RNLS: variants seen among roughly 807,000 people sequenced by gnomAD.
The protein encoded by RNLS is renalase.
In RNLS, 39 loss-of-function variants were observed where a neutral mutation model predicts 39.8. That is an observed-to-expected ratio of 0.98 (90% confidence interval 0.76 to 1.28). The LOEUF (loss-of-function observed/expected upper bound fraction) is 1.28, where lower values mean the gene tolerates loss of function less well. Among genes scored for constraint, RNLS ranks in the 50% most tolerant of loss-of-function variants. RNLS has a pLI of 0.00. For missense variants in RNLS, 410 were observed against 413.3 expected (o/e 0.99, Z 0.07); for synonymous variants, 147 against 150.7 (o/e 0.98, Z 0.18).
the RNLS span, among the ~76,000 whole-genome samples, chr10:88,235,493 C>T: frequency 6.6e-6 from 1 of 152,024 alleles, no homozygotes; most frequent in Admixed American, 6.6e-5. Flanking sequence ...GTGTGATTTA[C>T]ATGTAATATA....
rs927626482 is a variant in RNLS, at chr10:88,507,603, T to C, written c.526+65300A>G. On this transcript the variant is annotated intron_variant, in intron 4 of 6. Coordinates refer to ENST00000331772, the MANE Select transcript of RNLS (RefSeq NM_001031709.3). The stretch of plus-strand genomic sequence containing the variant: ...AGATGTCCCATGTGAGCTGCTAACA[T>C]CTGCACTGATGAAAGAATTGTAAAG... Among the ~76,000 whole-genome samples the C allele has an allele frequency of 2.0e-5, 3 of 152,112 alleles. No homozygotes were observed. The South Asian group carries it at 6.2e-4, about 31-fold the overall frequency.
chr10:88,371,060 T>C (rs1419134441), intron 4 of RNLS, among the ~76,000 whole-genome samples: 8 of 151,932 alleles, frequency 5.3e-5, no homozygotes, highest in Admixed American at 5.3e-4. Flanking sequence ...GTCAGAAAAA[T>C]TTGGGTTTGA....
chr10:88,575,453 G>C (rs1027478758), intron 3 of RNLS, among the ~76,000 whole-genome samples: 2 of 151,546 alleles, frequency 1.3e-5, no homozygotes, highest in Admixed American at 1.3e-4. Context: ...GTCATGATGC[G>C]CGCTAAAGTA....
At chr10:88,450,510 A>G (rs1466967456) in intron 4 of RNLS, among the ~76,000 whole-genome samples, 1 of 152,166 alleles carries the variant, frequency 6.6e-6, no homozygotes, top group East Asian at 1.9e-4. Flanking sequence ...GTCCATAAGT[A>G]CTGAGAAGGC....
At chr10:88,558,385 T>C (rs1033404785) in intron 4 of RNLS, among the ~76,000 whole-genome samples, 26 of 152,196 alleles carry the variant, frequency 1.7e-4, no homozygotes, top group Middle Eastern at 3.2e-3. Context: ...GGAAAGTGCT[T>C]AACATAAGTA....
intron 5 of RNLS, among the ~76,000 whole-genome samples, chr10:88,343,268 G>A (rs183451226): frequency 7.2e-5 from 11 of 152,222 alleles, no homozygotes; most frequent in East Asian, 1.9e-4. Context: ...TGACAGTGAC[G>A]ATGAAGAGAA....
intron 4 of RNLS, among the ~76,000 whole-genome samples, chr10:88,461,007 G>T (rs1252747044): frequency 6.6e-6 from 1 of 152,100 alleles, no homozygotes; most frequent in Non-Finnish European, 1.5e-5. Context: ...TGTGTCTGTG[G>T]AAAGGTGGAG....
At chr10:88,500,515 G>T (rs186900213) in intron 4 of RNLS, among the ~76,000 whole-genome samples, 11 of 152,178 alleles carry the variant, frequency 7.2e-5, no homozygotes, top group African/African-American at 2.6e-4. Context: ...TTTTTTAGTT[G>T]CATTTCAACT....
intron 6 of RNLS, among the ~76,000 whole-genome samples, chr10:88,301,475 C>A (rs181230489): frequency 7.4e-4 from 112 of 152,280 alleles, no homozygotes; most frequent in Non-Finnish European, 1.3e-3. Context: ...TTTTGGTTAT[C>A]CGAAGGTCAC....
Position 88,284,153 on chromosome 10 carries a change from T to A in RNLS, c.*1201A>T. On this transcript the variant is annotated 3_prime_UTR_variant, in exon 7 of 7. Transcript: ENST00000331772. ...ATTGCTAAGAGGAAACATATAATAA[T>A]ATGCTATAGGGTCATAAAACCCACT... is the stretch of plus-strand genomic sequence containing the variant. The A allele has an allele frequency of 1.0e-6, 1 of 985,306 alleles. No homozygotes were observed. 61.0% of individuals were successfully genotyped at this position (985,306 alleles called of 1,614,324 possible).
the RNLS span, among the ~76,000 whole-genome samples, chr10:88,243,944 T>C: frequency 6.6e-6 from 1 of 152,214 alleles, no homozygotes. Flanking sequence ...AGCAGCTGCG[T>C]TTGGCCTGGC....
intron 4 of RNLS, among the ~76,000 whole-genome samples, chr10:88,372,091 A>AT (rs934802648): frequency 3.9e-5 from 6 of 152,112 alleles, no homozygotes; most frequent in African/African-American, 7.2e-5. Context: ...TAAACAAGGC[A>AT]TTTTTTTAGA....
chr10:88,398,305 CT>C (rs1852692605), intron 4 of RNLS, among the ~76,000 whole-genome samples: 1 of 152,024 alleles, frequency 6.6e-6, no homozygotes, highest in Admixed American at 6.6e-5. Flanking sequence ...GGATTGGCTA[CT>C]TTGAATAATT....
Position 88,581,203 on chromosome 10 carries a change from A to G in RNLS, c.367+364T>C, listed in dbSNP as rs1205816866. Among the ~76,000 whole-genome samples the G allele has an allele frequency of 2.0e-5, 3 of 151,710 alleles. No homozygotes were observed. In the East Asian group the frequency reaches 5.8e-4, roughly 29 times the overall value. On this transcript the variant is annotated intron_variant, in intron 3 of 6. Coordinates refer to ENST00000331772, the MANE Select transcript of RNLS (RefSeq NM_001031709.3). Reference sequence around the variant, plus strand: ...AAAATAGATCCAAGATATGAGTCAAACAAGGTATAGAATCATTTATGCAAA... The same window carrying G: ...AAAATAGATCCAAGATATGAGTCAAGCAAGGTATAGAATCATTTATGCAAA...
the RNLS span, among the ~76,000 whole-genome samples, chr10:88,210,778 G>A: frequency 2.4e-3 from 372 of 152,114 alleles, no homozygotes; most frequent in African/African-American, 7.9e-3. Context: ...ATTGTTCTGC[G>A]TCCTAAATCA....
intron 5 of RNLS, among the ~76,000 whole-genome samples, chr10:88,328,431 A>G (rs2133143278): frequency 6.6e-6 from 1 of 152,318 alleles, no homozygotes; most frequent in East Asian, 1.9e-4. Context: ...ATACATTGTG[A>G]ACCTCTTTAC....
chr10:88,545,732 G>T (rs1326371857), intron 4 of RNLS, among the ~76,000 whole-genome samples: 1 of 152,108 alleles, frequency 6.6e-6, no homozygotes, highest in Non-Finnish European at 1.5e-5. Context: ...ATGTTAAAGG[G>T]TTGACAGTTT....
At chr10:88,292,975 A>G (rs777333580) in intron 6 of RNLS, among the ~76,000 whole-genome samples, 57 of 152,198 alleles carry the variant, frequency 3.7e-4, no homozygotes, top group Non-Finnish European at 7.8e-4. Flanking sequence ...GGCTTGAACC[A>G]GAGTTGGAGG....
intron 6 of RNLS, among the ~76,000 whole-genome samples, chr10:88,276,492 C>T (rs1413253219): frequency 6.6e-6 from 1 of 151,920 alleles, no homozygotes; most frequent in Non-Finnish European, 1.5e-5. Flanking sequence ...TGATTTTTTT[C>T]TAAAACTAAA....
Sources: gnomAD v4.1 joint callset for allele counts (sites outside exome capture counted in the v4.1 genomes callset) on GRCh38, gnomAD v4.1.1 for gene constraint, MANE v1.5 for transcripts, NCBI Gene and HGNC (gene_info 2026-07-23, HGNC 2026-07-21) for gene names.